Variants in GALNT13 observed in about 807,000 individuals in gnomAD.
GALNT13 encodes polypeptide N-acetylgalactosaminyltransferase 13, also known as UDP-GalNAc:polypeptide N-acetylgalactosaminyltransferase 13.
Under a neutral mutation model 64.2 loss-of-function variants are expected in GALNT13, and 28 were observed. The ratio of observed to expected loss-of-function variants is 0.44; its 90% CI spans 0.32 to 0.60. The LOEUF (loss-of-function observed/expected upper bound fraction) is 0.60. Among genes scored for constraint, GALNT13 ranks in the 20% least tolerant of loss-of-function variants. The pLI is 0.05. For missense variants in GALNT13, 577 were observed against 669.8 expected, an observed-to-expected ratio of 0.86 and a Z score of 1.53; for synonymous variants, 214 against 224.6, an observed-to-expected ratio of 0.95 and a Z score of 0.42.
At chr2:154,231,715 T>A (rs1647850673) in intron 4 of GALNT13, among the ~76,000 whole-genome samples, 1 of 147,806 alleles carries the variant, frequency 6.8e-6, no homozygotes, top group Non-Finnish European at 1.5e-5. Context: ...TTGAATTCAC[T>A]GGGCCATATG....
At chr2:153,795,002 C>G in the GALNT13 span, among the ~76,000 whole-genome samples, 1 of 152,062 alleles carries the variant, frequency 6.6e-6, no homozygotes, top group Non-Finnish European at 1.5e-5. Flanking sequence ...TTTCAAAACA[C>G]AGGTGACACT....
chr2:154,043,615 CAGT>C (rs1699130455), intron 3 of GALNT13, among the ~76,000 whole-genome samples: 1 of 151,432 alleles, frequency 6.6e-6, no homozygotes, highest in Non-Finnish European at 1.5e-5. Context: ...ACAGTATAAT[CAGT>C]AGAGAATAGG....
At chr2:153,621,250 A>C in the GALNT13 span, among the ~76,000 whole-genome samples, 1 of 152,138 alleles carries the variant, frequency 6.6e-6, no homozygotes, top group African/African-American at 2.4e-5. Flanking sequence ...TATTCCAATG[A>C]TGTTACCTCT....
intron 4 of GALNT13, among the ~76,000 whole-genome samples, chr2:154,207,997 T>A (rs866718207): frequency 6.6e-6 from 1 of 152,198 alleles, no homozygotes; most frequent in Non-Finnish European, 1.5e-5. Flanking sequence ...ACTGCTAATT[T>A]GGCTCTTTTC....
chr2:153,123,466 TA>T, the GALNT13 span, among the ~76,000 whole-genome samples: 1 of 152,142 alleles, frequency 6.6e-6, no homozygotes, highest in Non-Finnish European at 1.5e-5. Flanking sequence ...AGGACAAGAT[TA>T]AGGGTGTTAG....
intron 2 of GALNT13, among the ~76,000 whole-genome samples, chr2:153,943,356 G>A (rs1232882402): frequency 6.6e-6 from 1 of 152,040 alleles, no homozygotes; most frequent in East Asian, 1.9e-4. Context: ...CACATTTATT[G>A]TAGATACTTT....
At chr2:154,122,975 A>G (rs753835215) in intron 3 of GALNT13, among the ~76,000 whole-genome samples, 30 of 152,018 alleles carry the variant, frequency 2.0e-4, no homozygotes, top group Non-Finnish European at 4.1e-4. Context: ...CCTCTACAGG[A>G]ACATGGATAA....
At chr2:154,092,749 T>G (rs1235343534) in intron 3 of GALNT13, among the ~76,000 whole-genome samples, 2 of 151,976 alleles carry the variant, frequency 1.3e-5, no homozygotes, top group Admixed American at 1.3e-4. Context: ...GTAACTGATG[T>G]GAGATCAGGT....
At chr2:153,160,116 G>T in the GALNT13 span, among the ~76,000 whole-genome samples, 1 of 152,182 alleles carries the variant, frequency 6.6e-6, no homozygotes, top group Non-Finnish European at 1.5e-5. Context: ...CAACCATCTT[G>T]TGAGGCTCAG....
At chr2:153,710,076 A>G in the GALNT13 span, among the ~76,000 whole-genome samples, 2 of 152,060 alleles carry the variant, frequency 1.3e-5, no homozygotes, top group Non-Finnish European at 2.9e-5. Context: ...CATGGTGAAT[A>G]TATTTAATAA....
At chr2:153,151,960 C>T in the GALNT13 span, among the ~76,000 whole-genome samples, 1 of 151,850 alleles carries the variant, frequency 6.6e-6, no homozygotes, top group Non-Finnish European at 1.5e-5. Flanking sequence ...TGCACATGTA[C>T]CCTAAAACTT....
chr2:153,396,612 C>A, the GALNT13 span, among the ~76,000 whole-genome samples: 4 of 151,868 alleles, frequency 2.6e-5, no homozygotes, highest in Admixed American at 6.6e-5. Context: ...AGTCTGGAGC[C>A]CCAGCCAGAG....
intron 9 of GALNT13, among the ~76,000 whole-genome samples, chr2:154,375,885 A>G (rs1465051175): frequency 6.6e-6 from 1 of 152,212 alleles, no homozygotes; most frequent in African/African-American, 2.4e-5. Context: ...GAGAATCCAC[A>G]TGACAGATTT....
At chr2:153,620,121 A>G in the GALNT13 span, among the ~76,000 whole-genome samples, 1 of 151,750 alleles carries the variant, frequency 6.6e-6, no homozygotes, top group Non-Finnish European at 1.5e-5. Context: ...AATATTCTGT[A>G]GGCATTTATT....
At chr2:153,161,754 TAG>T in the GALNT13 span, among the ~76,000 whole-genome samples, 60 of 152,190 alleles carry the variant, frequency 3.9e-4, no homozygotes, top group African/African-American at 1.3e-3. Flanking sequence ...TCAGGTTTTG[TAG>T]AGTCTTGTAA....
chr2:154,019,166 A>G (rs796519660), intron 3 of GALNT13, among the ~76,000 whole-genome samples: 10 of 152,162 alleles, frequency 6.6e-5, no homozygotes, highest in African/African-American at 2.4e-4. Context: ...CATATTGTTT[A>G]TTTATTTTGC....
At chr2:154,322,144 CTTTTTTTTTTTTTT>C (rs70983718) in intron 9 of GALNT13, among the ~76,000 whole-genome samples, 1 of 16,612 alleles carries the variant, frequency 6.0e-5, no homozygotes, top group South Asian at 3.9e-3. Flanking sequence ...AAAATATGTA[CTTTTTTTTTTTTTT>C]TTTTTTTTTT....
chr2:153,944,842 G>C (rs1163914114), intron 3 of GALNT13, among the ~76,000 whole-genome samples: 1 of 152,132 alleles, frequency 6.6e-6, no homozygotes, highest in Non-Finnish European at 1.5e-5. Context: ...AATAAGAAGA[G>C]TTAGCTAACC....
At chr2:154,420,244 G>A (rs1269200539) in intron 11 of GALNT13, among the ~76,000 whole-genome samples, 1 of 152,168 alleles carries the variant, frequency 6.6e-6, no homozygotes, top group African/African-American at 2.4e-5. Flanking sequence ...AAAATGTGTT[G>A]CTACTAACAG....
Sources: allele counts gnomAD v4.1 joint callset (sites outside exome capture counted in the v4.1 genomes callset), GRCh38; gene constraint gnomAD v4.1.1; transcripts MANE v1.5; gene names NCBI Gene and HGNC (gene_info 2026-07-23, HGNC 2026-07-21).